MB21D2: variants seen among roughly 807,000 people sequenced by gnomAD.
The protein encoded by MB21D2 is Mab-21 domain containing 2.
A neutral mutation model predicts 33.3 loss-of-function variants in MB21D2; 9 were observed. The ratio of observed to expected loss-of-function variants is 0.27; its 90% CI spans 0.16 to 0.47. MB21D2 has a LOEUF of 0.47. Ranked by LOEUF, MB21D2 falls within the 20% of genes least tolerant of loss-of-function variation. The pLI, the probability that MB21D2 is intolerant of heterozygous loss-of-function variation, is 0.99. For synonymous variants in MB21D2, 241 were observed against 236.3 expected, an observed-to-expected ratio of 1.02 and a Z score of -0.18; for missense variants, 540 against 624.6, an observed-to-expected ratio of 0.86 and a Z score of 1.44.
chr3:192,799,043 C>T lies in MB21D2; in HGVS notation c.819G>A (p.Leu273=). Residue 273 remains leucine (L), a synonymous_variant, in exon 2 of 2, where the codon TTG becomes TTA. Transcript: ENST00000392452. The surrounding 1 kb of genome is among the most constrained non-coding windows in gnomAD (Gnocchi z 4.1). The part of the protein sequence containing the change: ...TEEEVISGFY[L]VPACSYKGKK... ...TACCCTTGTAGGAGCAAGCAGGCAC[C>T]AAGTAAAACCCACTGATGACCTCTT... The T allele has an allele frequency of 1.2e-6, 2 of 1,614,080 alleles. No homozygotes were observed. Among genetic ancestry groups the T allele is most frequent in the Non-Finnish European group, 1.7e-6 (2 of 1,180,012 alleles).
rs1278346841 is a variant in MB21D2, at chr3:192,798,081, A to G, written c.*305T>C. 7.6e-6 allele frequency: 2 copies of G among 264,726 alleles called. No homozygotes were observed. The highest frequency in any genetic ancestry group is 1.4e-5 in the Non-Finnish European group (2 of 138,778). 16.4% of individuals were successfully genotyped at this position (264,726 alleles called of 1,614,324 possible). ...TTTGCACCAAGTATGAAACAGAAAA[A>G]AGCAAGAGGATTCATGGGCATTTTC... On this transcript the variant is annotated 3_prime_UTR_variant, in exon 2 of 2. Transcript: ENST00000392452. This position sits in a 1 kb window ranked among gnomAD's most constrained non-coding sequence, Gnocchi z 4.8.
At chr3:192,871,124 C>G (rs146458236) in intron 1 of MB21D2, among the ~76,000 whole-genome samples, 140 of 152,300 alleles carry the variant, frequency 9.2e-4, no homozygotes, top group African/African-American at 3.2e-3. Flanking sequence ...TCAACTCACA[C>G]GGAACATGGG....
intron 1 of MB21D2, among the ~76,000 whole-genome samples, chr3:192,855,166 T>C (rs1030185221): frequency 6.6e-6 from 1 of 152,222 alleles, no homozygotes; most frequent in African/African-American, 2.4e-5. Context: ...TGGTGCAGTC[T>C]TGACTCACTG....
chr3:192,858,299 C>A (rs1312395698), intron 1 of MB21D2, among the ~76,000 whole-genome samples: 5 of 152,132 alleles, frequency 3.3e-5, no homozygotes, highest in Non-Finnish European at 5.9e-5. Context: ...ATCTCCTGCC[C>A]CTCAGGACAC....
chr3:192,909,829 GGC>G (rs1248098342), intron 1 of MB21D2, among the ~76,000 whole-genome samples: 2 of 151,182 alleles, frequency 1.3e-5, no homozygotes, highest in African/African-American at 4.9e-5. Context: ...CTACTCCAGA[GGC>G]TGAGGCAGGA....
intron 1 of MB21D2, among the ~76,000 whole-genome samples, chr3:192,889,046 A>G (rs1713793780): frequency 6.6e-6 from 1 of 152,074 alleles, no homozygotes; most frequent in Admixed American, 6.6e-5. Context: ...AGGAGCATGG[A>G]AAGAACCCAC....
chr3:192,822,086 A>G (rs1363069918), intron 1 of MB21D2, among the ~76,000 whole-genome samples: 1 of 151,546 alleles, frequency 6.6e-6, no homozygotes, highest in African/African-American at 2.4e-5. Flanking sequence ...GTGTATACCT[A>G]TCGCATTTCT....
At chr3:192,804,512 G>A (rs1345179973) in intron 1 of MB21D2, among the ~76,000 whole-genome samples, 2 of 151,762 alleles carry the variant, frequency 1.3e-5, no homozygotes, top group African/African-American at 4.8e-5. Flanking sequence ...AAATTTTTAT[G>A]TCTTATAATT....
chr3:192,910,141 A>G, intron 1 of MB21D2, among the ~76,000 whole-genome samples: 1 of 151,470 alleles, frequency 6.6e-6, no homozygotes, highest in East Asian at 1.9e-4. Flanking sequence ...GAGGTCACCA[A>G]TGTGAGAATT....
chr3:192,852,987 C>G (rs1485625967), intron 1 of MB21D2, among the ~76,000 whole-genome samples: 2 of 151,894 alleles, frequency 1.3e-5, no homozygotes, highest in Admixed American at 6.6e-5. Context: ...TTTCTTTCTC[C>G]TTATCACTGC....
At chr3:192,892,745 AG>A (rs1429264837) in intron 1 of MB21D2, among the ~76,000 whole-genome samples, 4 of 152,136 alleles carry the variant, frequency 2.6e-5, no homozygotes, top group Admixed American at 2.6e-4. Flanking sequence ...GCCCGGCCAT[AG>A]TCATTGCTTA....
chr3:192,860,170 T>C (rs2108633346), intron 1 of MB21D2, among the ~76,000 whole-genome samples: 1 of 152,238 alleles, frequency 6.6e-6, no homozygotes, highest in East Asian at 1.9e-4. Flanking sequence ...GCCGAGTAGT[T>C]TTCTGAGCCA....
At chr3:192,840,415 CTTTTTT>C (rs71177380) in intron 1 of MB21D2, among the ~76,000 whole-genome samples, 1 of 88,290 alleles carries the variant, frequency 1.1e-5, no homozygotes, top group Non-Finnish European at 2.1e-5. Context: ...TCTCTTTTTT[CTTTTTT>C]TTTTTTTTTT....
intron 1 of MB21D2, among the ~76,000 whole-genome samples, chr3:192,862,602 A>C (rs1286095010): frequency 6.6e-6 from 1 of 152,166 alleles, no homozygotes; most frequent in Non-Finnish European, 1.5e-5. Context: ...AGGTATGTTC[A>C]GGTCCTACTC....
intron 1 of MB21D2, among the ~76,000 whole-genome samples, chr3:192,910,582 C>A (rs1296610066): frequency 6.6e-6 from 1 of 152,188 alleles, no homozygotes; most frequent in East Asian, 1.9e-4. Context: ...CATCATTCTA[C>A]AAGTTTCAAC....
intron 1 of MB21D2, among the ~76,000 whole-genome samples, chr3:192,800,469 T>C (rs1007150024): frequency 3.9e-5 from 6 of 152,198 alleles, no homozygotes; most frequent in African/African-American, 1.4e-4. Flanking sequence ...GCAAAGACAC[T>C]GATGCCAAAC....
At chr3:192,834,214 G>A (rs1712381832) in intron 1 of MB21D2, among the ~76,000 whole-genome samples, 1 of 151,908 alleles carries the variant, frequency 6.6e-6, no homozygotes, top group Admixed American at 6.6e-5. Context: ...CTACTCAGGA[G>A]GCTGATGTAG....
chr3:192,878,103 G>GTTTTTTTTTTTTTTTTT (rs1296544101), intron 1 of MB21D2, among the ~76,000 whole-genome samples: 2 of 134,222 alleles, frequency 1.5e-5, no homozygotes, highest in Non-Finnish European at 3.1e-5. Flanking sequence ...TTTTTTTTTG[G>GTTTTTTTTTTTTTTTTT]TTTTTTTTGT....
intron 1 of MB21D2, among the ~76,000 whole-genome samples, chr3:192,884,071 A>G (rs1713667394): frequency 6.6e-6 from 1 of 152,054 alleles, no homozygotes; most frequent in African/African-American, 2.4e-5. Flanking sequence ...ATTCACACAC[A>G]TGAAAAGCCA....
Sources: allele counts gnomAD v4.1 joint callset (sites outside exome capture counted in the v4.1 genomes callset), GRCh38; gene constraint gnomAD v4.1.1; non-coding constraint Gnocchi (gnomAD v3.1); transcripts MANE v1.5; gene names NCBI Gene and HGNC (gene_info 2026-07-23, HGNC 2026-07-21).